FSTL5: variants seen among roughly 807,000 people sequenced by gnomAD.
The protein encoded by FSTL5 is follistatin-related protein 5.
A neutral mutation model predicts 89.1 loss-of-function variants in FSTL5; 62 were observed. That is an observed-to-expected ratio of 0.70 (90% CI 0.57 to 0.86). The LOEUF is 0.86. FSTL5 is among the 40% of genes least tolerant of loss of function. The probability of loss-of-function intolerance (pLI) is 0.00; values close to 1 mark genes in which losing one functional copy is unlikely to be tolerated. For synonymous variants in FSTL5, 383 were observed against 346.2 expected, an observed-to-expected ratio of 1.11 and a Z score of -1.18; for missense variants, 1,057 against 1,001.6, an observed-to-expected ratio of 1.06 and a Z score of -0.75.
chr4:161,601,329 GAAAAAAAAA>G, intron 7 of FSTL5, among the ~76,000 whole-genome samples: 1 of 107,540 alleles, frequency 9.3e-6, no homozygotes, highest in African/African-American at 3.6e-5. Flanking sequence ...TAAATAGTTG[GAAAAAAAAA>G]AAAAAAAAAA....
chr4:162,074,125 A>G (rs1729739317), intron 2 of FSTL5, among the ~76,000 whole-genome samples: 1 of 151,764 alleles, frequency 6.6e-6, no homozygotes, highest in Non-Finnish European at 1.5e-5. Flanking sequence ...ATTTTGAATT[A>G]TGCTTTTAGT....
intron 2 of FSTL5, among the ~76,000 whole-genome samples, chr4:162,081,888 C>T (rs545693666): frequency 4.0e-5 from 6 of 151,316 alleles, no homozygotes; most frequent in Non-Finnish European, 5.9e-5. Context: ...CTAAACAGAG[C>T]TCAGTAAACA....
intron 15 of FSTL5, among the ~76,000 whole-genome samples, chr4:161,415,094 C>T (rs1731724978): frequency 6.6e-6 from 1 of 152,126 alleles, no homozygotes; most frequent in Non-Finnish European, 1.5e-5. Context: ...CAAGAAAATA[C>T]ATTAAAATTA....
intron 8 of FSTL5, among the ~76,000 whole-genome samples, chr4:161,585,121 G>A (rs1389913476): frequency 6.6e-6 from 1 of 152,178 alleles, no homozygotes; most frequent in African/African-American, 2.4e-5. Context: ...GGGAGGGGAT[G>A]AAACAGGGAA....
intron 3 of FSTL5, among the ~76,000 whole-genome samples, chr4:161,980,207 AAAAGG>A (rs1264439755): frequency 4.0e-5 from 6 of 151,510 alleles, no homozygotes; most frequent in African/African-American, 1.2e-4. Flanking sequence ...GAGAGAGAGA[AAAAGG>A]AAAGGAAAGA....
At position 161,709,817 on chromosome 4, in the gene FSTL5, G is replaced by T. The variant is rs373108217; in HGVS notation, c.727+49594C>A. 2.0e-5 allele frequency among the ~76,000 whole-genome samples: 3 copies of T among 151,884 alleles called. No individual in the cohort carries two copies. In the East Asian group the frequency reaches 5.8e-4, roughly 29 times the overall value. On this transcript the variant is annotated intron_variant, in intron 6 of 15. Transcript: ENST00000306100. ...AAAAAAATAAATTAAATAAAAAAAA[G>T]GTTTAAAAATTGGAATTCTATTGAT...
intron 6 of FSTL5, among the ~76,000 whole-genome samples, chr4:161,748,606 GTTTTTTTTTT>G (rs5863480): frequency 8.7e-5 from 9 of 103,544 alleles, no homozygotes; most frequent in Non-Finnish European, 1.6e-4. Context: ...GGGGAAGCAC[GTTTTTTTTTT>G]TTTTTTTTTT....
chr4:161,547,182 A>G (rs1732036484), intron 8 of FSTL5, among the ~76,000 whole-genome samples: 1 of 152,048 alleles, frequency 6.6e-6, no homozygotes, highest in South Asian at 2.1e-4. Context: ...GTAATCTTGG[A>G]AGTAGTTATG....
At chr4:161,689,076 T>C (rs1280930349) in intron 6 of FSTL5, among the ~76,000 whole-genome samples, 3 of 152,170 alleles carry the variant, frequency 2.0e-5, no homozygotes, top group Non-Finnish European at 4.4e-5. Context: ...TATATTCTGC[T>C]CATACAACAT....
intron 15 of FSTL5, among the ~76,000 whole-genome samples, chr4:161,392,479 C>A (rs941091887): frequency 3.3e-5 from 5 of 152,148 alleles, no homozygotes; most frequent in African/African-American, 1.2e-4. Context: ...CCCACCTTGG[C>A]CTCCCAGTGT....
intron 6 of FSTL5, among the ~76,000 whole-genome samples, chr4:161,669,127 AT>A (rs1257055696): frequency 2.1e-5 from 3 of 144,208 alleles, no homozygotes; most frequent in African/African-American, 7.5e-5. Flanking sequence ...AAAAAAAAAA[AT>A]AAAATAAAAT....
intron 3 of FSTL5, among the ~76,000 whole-genome samples, chr4:161,980,764 CTTTT>C (rs34223215): frequency 1.9e-4 from 14 of 71,826 alleles, no homozygotes; most frequent in African/African-American, 4.0e-4. Context: ...CTTCAAGTAA[CTTTT>C]TTTTTTTTTT....
chr4:161,630,290 T>C (rs1172047692), intron 7 of FSTL5, among the ~76,000 whole-genome samples: 1 of 152,194 alleles, frequency 6.6e-6, no homozygotes, highest in Non-Finnish European at 1.5e-5. Flanking sequence ...CCAGCTCTCA[T>C]TTAGCCTCTG....
intron 3 of FSTL5, among the ~76,000 whole-genome samples, chr4:162,008,751 T>C (rs1736681118): frequency 6.6e-6 from 1 of 151,956 alleles, no homozygotes; most frequent in Admixed American, 6.6e-5. Context: ...TAAATGACTT[T>C]AGGCCATTCT....
intron 5 of FSTL5, among the ~76,000 whole-genome samples, chr4:161,770,954 G>A (rs768048808): frequency 3.3e-5 from 5 of 151,944 alleles, no homozygotes; most frequent in Non-Finnish European, 5.9e-5. Flanking sequence ...TATGAGACAG[G>A]TAGATAAGCT....
intron 2 of FSTL5, chr4:162,035,244 A>T (rs1737689950): frequency 6.6e-6 from 1 of 152,116 alleles, no homozygotes; most frequent in South Asian, 2.1e-4. Context: ...TACAGGATGA[A>T]CAAAACAGAA....
chr4:162,148,225 A>G (rs1230956433), intron 1 of FSTL5, among the ~76,000 whole-genome samples: 1 of 152,178 alleles, frequency 6.6e-6, no homozygotes, highest in East Asian at 1.9e-4. Flanking sequence ...TGACTTGGTG[A>G]ATAAATTAGA....
intron 8 of FSTL5, among the ~76,000 whole-genome samples, chr4:161,564,585 T>C (rs999159228): frequency 3.3e-5 from 5 of 151,606 alleles, no homozygotes; most frequent in South Asian, 2.1e-4. Flanking sequence ...TTCCTTGACA[T>C]AGTAATGTAT....
chr4:161,461,301 C>A (rs143665702), intron 13 of FSTL5, among the ~76,000 whole-genome samples: 97,157 of 124,862 alleles, frequency 0.78, 37,802 homozygotes, highest in East Asian at 0.95. Context: ...AAAAAACAAA[C>A]AAACAAAAAA....
Sources: gnomAD v4.1 joint callset for allele counts (sites outside exome capture counted in the v4.1 genomes callset) on GRCh38, gnomAD v4.1.1 for gene constraint, MANE v1.5 for transcripts, NCBI Gene and HGNC (gene_info 2026-07-23, HGNC 2026-07-21) for gene names.